DCDC1: variants seen among roughly 807,000 people sequenced by gnomAD.
DCDC1 encodes doublecortin domain containing 1.
DCDC1 carries 200 observed loss-of-function variants against 178.3 expected under a neutral mutation model. The ratio of observed to expected loss-of-function variants is 1.12; its 90% confidence interval spans 1.00 to 1.26. DCDC1 has a LOEUF of 1.26. Among genes scored for constraint, DCDC1 ranks in the 50% most tolerant of loss-of-function variants. The pLI is 0.00. For missense variants in DCDC1, 1,983 were observed against 1,749.2 expected, an observed-to-expected ratio of 1.13 and a Z score of -2.38; for synonymous variants, 690 against 604.8, an observed-to-expected ratio of 1.14 and a Z score of -2.07.
At chr11:31,019,592 T>C (rs1453111767) in intron 20 of DCDC1, among the ~76,000 whole-genome samples, 4 of 152,196 alleles carry the variant, frequency 2.6e-5, no homozygotes, top group Non-Finnish European at 4.4e-5. Flanking sequence ...CTTTTCTACA[T>C]AATTTCTCAC....
chr11:31,050,975 A>G (rs1955205582), intron 20 of DCDC1, among the ~76,000 whole-genome samples: 1 of 152,210 alleles, frequency 6.6e-6, no homozygotes, highest in Non-Finnish European at 1.5e-5. Flanking sequence ...GATCCAAAAC[A>G]GGAAGAAATC....
chr11:31,115,249 T>C (rs552048546), intron 11 of DCDC1, among the ~76,000 whole-genome samples: 11 of 152,196 alleles, frequency 7.2e-5, no homozygotes, highest in Non-Finnish European at 1.5e-4. Context: ...TGAGCTTGCC[T>C]GTAATCACTT....
intron 2 of DCDC1, among the ~76,000 whole-genome samples, chr11:31,335,062 C>G (rs776242761): frequency 2.6e-5 from 4 of 152,204 alleles, no homozygotes; most frequent in Non-Finnish European, 4.4e-5. Flanking sequence ...CTGCCCCGTT[C>G]AAGCTTCCCC....
Position 31,257,055 on chromosome 11 carries a change from A to G in DCDC1, c.1054+8452T>C, listed in dbSNP as rs138701514. Among the ~76,000 whole-genome samples, 14 of 152,282 alleles carry G rather than the reference A, an allele frequency of 9.2e-5. No homozygotes were observed. The East Asian group carries it at 2.1e-3, about 23-fold the overall frequency. On this transcript the variant is annotated intron_variant, in intron 8 of 38. Coordinates refer to ENST00000684477, the MANE Select transcript of DCDC1 (RefSeq NM_001387274.1). ...ATTTTAGGTGTTGCAAGGTGGAACA[A>G]TATTTGCTGCTTTTCTGTATCTTGA...
chr11:30,917,109 C>A, intron 25 of DCDC1, 81 bp from the exon 26 acceptor site: 1 of 1,338,790 alleles, frequency 7.5e-7, no homozygotes, highest in East Asian at 2.5e-5. Flanking sequence ...GTAGTCTGAT[C>A]ATATTCCACA....
At chr11:30,960,162 C>A (rs1333078201) in intron 20 of DCDC1, among the ~76,000 whole-genome samples, 6 of 152,100 alleles carry the variant, frequency 3.9e-5, no homozygotes, top group Non-Finnish European at 8.8e-5. Context: ...GGAATTTAAT[C>A]TTCAAGTATA....
Position 31,150,015 on chromosome 11 carries a change from C to T in DCDC1, c.1222-12231G>A, listed in dbSNP as rs576701442. On this transcript the variant is annotated intron_variant, in intron 9 of 38. Transcript: ENST00000684477. ...TTTAAGGAATCTCCATACTGTTTTC[C>T]ACGGTGGGTGTACTAATTTACATTC... 3.3e-5 allele frequency among the ~76,000 whole-genome samples: 5 copies of T among 152,300 alleles called. No homozygotes were observed. The South Asian group carries it at 8.3e-4, about 25-fold the overall frequency.
intron 22 of DCDC1, among the ~76,000 whole-genome samples, chr11:30,928,108 GC>G (rs1182270177): frequency 1.3e-5 from 2 of 152,020 alleles, no homozygotes; most frequent in African/African-American, 2.4e-5. Context: ...ATAGATTAAT[GC>G]CCCCCCTTGG....
At chr11:31,064,751 T>G in intron 19 of DCDC1, 125 bp from the exon 20 acceptor site, 1 of 612,496 alleles carries the variant, frequency 1.6e-6, no homozygotes. Context: ...AACACATAAG[T>G]CCTTTGTACG....
At chr11:30,955,137 C>T (rs1948693626) in intron 20 of DCDC1, among the ~76,000 whole-genome samples, 1 of 152,188 alleles carries the variant, frequency 6.6e-6, no homozygotes, top group Admixed American at 6.5e-5. Context: ...CAAGAACCCG[C>T]TTCTTTTGAA....
intron 9 of DCDC1, among the ~76,000 whole-genome samples, chr11:31,162,297 T>C (rs1230993139): frequency 2.6e-5 from 4 of 152,154 alleles, no homozygotes; most frequent in Non-Finnish European, 5.9e-5. Flanking sequence ...TAATTATATC[T>C]AAGGAATAAG....
At chr11:31,188,132 A>G (rs1185076012) in intron 9 of DCDC1, among the ~76,000 whole-genome samples, 2 of 152,104 alleles carry the variant, frequency 1.3e-5, no homozygotes. Flanking sequence ...CTATCACCTC[A>G]TTTAATCTGA....
At chr11:31,356,893 G>A (rs1253445821) in intron 1 of DCDC1, among the ~76,000 whole-genome samples, 1 of 152,054 alleles carries the variant, frequency 6.6e-6, no homozygotes, top group Non-Finnish European at 1.5e-5. Flanking sequence ...CCAGGAAGAA[G>A]TTGAATCTCT....
intron 9 of DCDC1, among the ~76,000 whole-genome samples, chr11:31,157,372 A>ATATATAT (rs1555090400): frequency 0.058 from 5,617 of 96,722 alleles, 216 homozygotes; most frequent in South Asian, 0.12. Flanking sequence ...AAAAAAAAAA[A>ATATATAT]ATATATATAT....
chr11:31,117,241 G>T (rs1229618232), intron 11 of DCDC1, among the ~76,000 whole-genome samples: 1 of 152,038 alleles, frequency 6.6e-6, no homozygotes, highest in Non-Finnish European at 1.5e-5. Flanking sequence ...TTAGGGGGTT[G>T]GGCAACAGTG....
chr11:31,042,470 C>A (rs927172578), intron 20 of DCDC1, among the ~76,000 whole-genome samples: 1 of 152,036 alleles, frequency 6.6e-6, no homozygotes, highest in African/African-American at 2.4e-5. Context: ...AAGATCTATA[C>A]AATTATTTCT....
In DCDC1 at chr11:30,900,358, G is replaced by C; in HGVS notation, c.4651C>G (p.Leu1551Val). ...ACAAAAAAGTTACCATTTGGAGGTA[G>C]AAATGGTTCACCACAAGACACCCAG... ...AIWVSCGEPF[L>V]PPNALQKAEK... is the part of the protein sequence containing the mutation. Residue 1551 changes from leucine to valine, a missense_variant, in exon 33 of 39, where the codon CTA becomes GTA. By Grantham distance (32) the Leu-to-Val change is conservative. Coordinates refer to ENST00000684477, the MANE Select transcript of DCDC1 (RefSeq NM_001387274.1). The C allele has an allele frequency of 6.5e-7, 1 of 1,536,932 alleles. No homozygotes were observed. The highest frequency in any genetic ancestry group is 8.8e-7 in the Non-Finnish European group (1 of 1,141,398).
intron 20 of DCDC1, among the ~76,000 whole-genome samples, chr11:31,037,108 A>C (rs187274566): frequency 2.0e-5 from 3 of 152,334 alleles, no homozygotes; most frequent in Non-Finnish European, 2.9e-5. Flanking sequence ...CACTTAAAGC[A>C]GAGCTACCCT....
intron 1 of DCDC1, among the ~76,000 whole-genome samples, chr11:31,352,137 T>A (rs1428884792): frequency 6.6e-6 from 1 of 152,102 alleles, no homozygotes; most frequent in African/African-American, 2.4e-5. Context: ...AATTTAAAAC[T>A]TTGTAAAGAT....
Sources: gnomAD v4.1 joint callset for allele counts (sites outside exome capture counted in the v4.1 genomes callset) on GRCh38, gnomAD v4.1.1 for gene constraint, MANE v1.5 for transcripts, NCBI Gene and HGNC (gene_info 2026-07-23, HGNC 2026-07-21) for gene names.